TNS1: variants seen among roughly 807,000 people sequenced by gnomAD.
The protein encoded by TNS1 is tensin 1.
TNS1 carries 62 observed loss-of-function variants against 168.6 expected under a neutral mutation model. The observed-to-expected ratio is 0.37, with a 90% CI of 0.30 to 0.45. TNS1 has a LOEUF of 0.45. TNS1 is among the 20% of genes least tolerant of loss of function. TNS1 has a pLI of 1.00. For missense variants in TNS1, 2,240 were observed against 2,339.4 expected (o/e 0.96, Z 0.88); for synonymous variants, 934 against 933.2 (o/e 1.00, Z -0.02).
intron 4 of TNS1, among the ~76,000 whole-genome samples, chr2:217,911,696 C>G (rs1206740344): frequency 6.6e-6 from 1 of 152,160 alleles, no homozygotes; most frequent in Admixed American, 6.5e-5. Flanking sequence ...TGTAGTGACT[C>G]ACCCAAGGTT....
chr2:217,863,171 C>G (rs1574861290), intron 18 of TNS1, among the ~76,000 whole-genome samples: 1 of 152,182 alleles, frequency 6.6e-6, no homozygotes, highest in Admixed American at 6.5e-5. Flanking sequence ...GCTTTGGTTT[C>G]CAAGCAGCCG....
At chr2:217,892,669 G>T (rs1951855804) in intron 11 of TNS1, among the ~76,000 whole-genome samples, 1 of 152,148 alleles carries the variant, frequency 6.6e-6, no homozygotes, top group African/African-American at 2.4e-5. Context: ...AAGGAAAAGT[G>T]GCTCCGAGGA....
At position 217,813,752 on chromosome 2, in the gene TNS1, T is replaced by C; in HGVS notation, c.4794A>G (p.Arg1598=). 2 of 1,613,988 alleles carry C rather than the reference T, an allele frequency of 1.2e-6. No individual in the cohort carries two copies. Among genetic ancestry groups the C allele is most frequent in the Non-Finnish European group, 1.7e-6 (2 of 1,179,928 alleles). ...AFIIRDSHSF[R]GAYGLAMKVS... is the part of the protein sequence containing the mutation. The stretch of plus-strand genomic sequence containing the variant: ...CCTTCATGGCCAGCCCGTACGCGCC[T>C]CGGAAGGAGTGACTGTCGCGGATGA... The change falls in exon 26 of 33, where the codon CGA becomes CGG. Residue 1598 remains arginine (R), a synonymous_variant. Coordinates refer to ENST00000682258, the MANE Select transcript of TNS1 (RefSeq NM_001387777.1). The surrounding 1 kb of genome is among the most constrained non-coding windows in gnomAD (Gnocchi z 4.0).
chr2:218,023,489 G>A (rs1188655993), intron 1 of TNS1, among the ~76,000 whole-genome samples: 10 of 152,252 alleles, frequency 6.6e-5, no homozygotes, highest in Admixed American at 1.3e-4. Context: ...CAAGCCCAGG[G>A]CTCTCCTCCA....
intron 3 of TNS1, among the ~76,000 whole-genome samples, 180 bp from the exon 4 acceptor site, chr2:217,920,416 G>A (rs1003760211): frequency 2.0e-5 from 3 of 152,156 alleles, no homozygotes; most frequent in East Asian, 1.9e-4. Flanking sequence ...CAGCAATAAC[G>A]CCTGGGAAAG....
chr2:217,822,036 C>T (rs1252861315), intron 22 of TNS1, 98 bp from the exon 23 acceptor site: 1 of 1,289,394 alleles, frequency 7.8e-7, no homozygotes. Flanking sequence ...TCCTGGACTC[C>T]TGCCTGGGAA....
At chr2:218,006,250 A>G (rs561396069), upstream of TNS1, among the ~76,000 whole-genome samples, 29 of 152,308 alleles carry the variant, frequency 1.9e-4, no homozygotes, top group African/African-American at 6.5e-4. Context: ...TGTGGTCAGG[A>G]ATGAGCTAAT....
chr2:217,903,835 T>G, intron 6 of TNS1: 4 of 503,496 alleles, frequency 7.9e-6, no homozygotes. Context: ...CCCCAGGTTC[T>G]GTTATCTGCT....
rs560380065 is a variant in TNS1, at chr2:218,002,971, G to A, written c.-99C>T. The stretch of plus-strand genomic sequence containing the variant: ...TGGCAGAAGGGCTCTCTGAGTCCGC[G>A]GCTGCTCCGGCTCCGCCAGCATCTG... On this transcript the variant is annotated 5_prime_UTR_variant, in exon 1 of 33. Coordinates refer to ENST00000682258, the MANE Select transcript of TNS1 (RefSeq NM_001387777.1). The A allele has an allele frequency of 4.4e-6, 2 of 454,710 alleles. No individual in the cohort carries two copies. Among genetic ancestry groups the A allele is most frequent in the South Asian group, 1.6e-5 (1 of 64,494 alleles). The allele number at this position is 454,710 out of a possible 1,614,324, so 28.2% of individuals were successfully genotyped here.
intron 19 of TNS1, among the ~76,000 whole-genome samples, chr2:217,845,800 C>T (rs1196878408): frequency 6.6e-6 from 1 of 152,196 alleles, no homozygotes; most frequent in Non-Finnish European, 1.5e-5. Flanking sequence ...ATGGCCTCCT[C>T]TTGAGCAAGC....
chr2:217,819,658 GT>G (rs1053902309), intron 23 of TNS1, among the ~76,000 whole-genome samples: 2 of 152,204 alleles, frequency 1.3e-5, no homozygotes, highest in African/African-American at 2.4e-5. Flanking sequence ...TGGCCAGTGA[GT>G]TTTTTTGCTT....
chr2:217,809,296 GATAGGTGCATGGATGGATGC>G (rs1559140012), intron 30 of TNS1, among the ~76,000 whole-genome samples: 3 of 99,612 alleles, frequency 3.0e-5, no homozygotes, highest in Admixed American at 9.7e-5. Flanking sequence ...TGGATGGATG[GATAGGTGCATGGATGGATGC>G]ATGGATGGAT....
chr2:218,012,083 A>AG (rs1448856692), upstream of TNS1, among the ~76,000 whole-genome samples: 1 of 152,180 alleles, frequency 6.6e-6, no homozygotes, highest in Non-Finnish European at 1.5e-5. Context: ...AAGTCTGCAG[A>AG]GGGGGCCTTC....
intron 1 of TNS1, among the ~76,000 whole-genome samples, chr2:217,991,600 T>C (rs1003673633): frequency 6.6e-6 from 1 of 152,242 alleles, no homozygotes. Context: ...TCACACACCA[T>C]GAATCTGAGG....
At chr2:217,927,273 C>T (rs540571572) in intron 3 of TNS1, among the ~76,000 whole-genome samples, 2 of 152,258 alleles carry the variant, frequency 1.3e-5, no homozygotes, top group South Asian at 4.1e-4. Flanking sequence ...ACAAGAAGCC[C>T]CCCTTTGGCT....
chr2:217,865,061 G>T (rs190851404), intron 18 of TNS1, among the ~76,000 whole-genome samples: 1 of 152,038 alleles, frequency 6.6e-6, no homozygotes, highest in African/African-American at 2.4e-5. Context: ...TGACTAGAGG[G>T]ATCCATGTGG....
upstream of TNS1, among the ~76,000 whole-genome samples, chr2:218,007,567 G>C (rs1269839156): frequency 0.043 from 325 of 7,472 alleles, 3 homozygotes; most frequent in African/African-American, 0.05. Context: ...CTCGGGGGGT[G>C]GGGGGGGGGG....
intron 18 of TNS1, among the ~76,000 whole-genome samples, chr2:217,851,645 G>T (rs1172145553): frequency 6.6e-6 from 1 of 152,154 alleles, no homozygotes; most frequent in South Asian, 2.1e-4. Context: ...AACTGAAAAG[G>T]GGTTTTGGCT....
At chr2:217,979,870 G>A (rs1957997118) in intron 2 of TNS1, among the ~76,000 whole-genome samples, 1 of 152,048 alleles carries the variant, frequency 6.6e-6, no homozygotes, top group African/African-American at 2.4e-5. Context: ...CAGGACCACA[G>A]CCATCCACCT....
Sources: gnomAD v4.1 joint callset for allele counts (sites outside exome capture counted in the v4.1 genomes callset) on GRCh38, gnomAD v4.1.1 for gene constraint, Gnocchi (gnomAD v3.1) non-coding constraint, MANE v1.5 for transcripts, NCBI Gene and HGNC (gene_info 2026-07-23, HGNC 2026-07-21) for gene names.